LACTBL1: variants seen among roughly 807,000 people sequenced by gnomAD.
The protein encoded by LACTBL1 is beta-lactamase-like protein 1.
In LACTBL1, 29 loss-of-function variants were observed where a neutral mutation model predicts 39.6. That is an observed-to-expected ratio of 0.73 (90% CI 0.55 to 1.00). The LOEUF is 1.00. LACTBL1 is among the 50% of genes least tolerant of loss of function. LACTBL1 has a pLI of 0.00. For missense variants in LACTBL1, 711 were observed against 748.5 expected (o/e 0.95, Z 0.59); for synonymous variants, 361 against 360.7 (o/e 1.00, Z -0.01).
intron 4 of LACTBL1, 135 bp from the exon 7 acceptor site, chr1:22,955,561 G>T: frequency 1.6e-6 from 1 of 633,796 alleles, no homozygotes; most frequent in Non-Finnish European, 2.8e-6. Flanking sequence ...AAGAAAATCA[G>T]CCTAGCGTGG....
At chr1:22,959,042 A>G in intron 3 of LACTBL1, 122 bp from the exon 6 acceptor site, 1 of 639,366 alleles carries the variant, frequency 1.6e-6, no homozygotes, top group South Asian at 2.0e-5. Flanking sequence ...GCTTAAGTCA[A>G]CATCTCCAAC....
chr1:22,961,513 G>GCCA (rs1485193568), intron 2 of LACTBL1, among the ~76,000 whole-genome samples: 2 of 152,070 alleles, frequency 1.3e-5, no homozygotes, highest in Non-Finnish European at 2.9e-5. Flanking sequence ...ACAGTCATAT[G>GCCA]CCACCACGTG....
At chr1:22,969,225 G>C (rs1415764493), upstream of LACTBL1, among the ~76,000 whole-genome samples, 1 of 152,178 alleles carries the variant, frequency 6.6e-6, no homozygotes, top group East Asian at 1.9e-4. Context: ...GTCAGAAATA[G>C]AGGTTTTTGT....
intron 1 of LACTBL1, among the ~76,000 whole-genome samples, chr1:22,963,967 C>T (rs1640852437): frequency 6.6e-6 from 1 of 152,166 alleles, no homozygotes; most frequent in South Asian, 2.1e-4. Context: ...GTTGCCCAGG[C>T]TGGAGTACAA....
At chr1:22,960,084 G>T (rs762072024) in exon 3 of LACTBL1, 2 of 1,550,600 alleles carry the variant, frequency 1.3e-6, no homozygotes, top group South Asian at 2.4e-5. Flanking sequence ...ATTGCCTGGC[G>T]CAGGATCTGG....
chr1:22,972,145 TG>T, the LACTBL1 span, among the ~76,000 whole-genome samples: 7 of 6,248 alleles, frequency 1.1e-3, no homozygotes, highest in African/African-American at 4.1e-3. Context: ...CTAGAGATGA[TG>T]ATGATGATGA....
chr1:22,958,433 C>T (rs1640783801), intron 4 of LACTBL1, among the ~76,000 whole-genome samples: 1 of 152,232 alleles, frequency 6.6e-6, no homozygotes, highest in Admixed American at 6.5e-5. Flanking sequence ...TCATTTTGAC[C>T]TGCACTGATG....
At chr1:22,970,584 G>T in the LACTBL1 span, among the ~76,000 whole-genome samples, 1 of 152,102 alleles carries the variant, frequency 6.6e-6, no homozygotes, top group Non-Finnish European at 1.5e-5. Flanking sequence ...GAGGCAGGAG[G>T]ATCACTTGAG....
intron 5 of LACTBL1, 143 bp from the exon 8 acceptor site, chr1:22,954,167 CTT>C: frequency 7.1e-7 from 1 of 1,404,480 alleles, no homozygotes; most frequent in Non-Finnish European, 9.4e-7. Context: ...CTGGAAGAGA[CTT>C]TGGAGCACTG....
chr1:22,967,733 T>C (rs1273086813), upstream of LACTBL1, among the ~76,000 whole-genome samples: 1 of 152,166 alleles, frequency 6.6e-6, no homozygotes, highest in Non-Finnish European at 1.5e-5. Flanking sequence ...ATCTCAACAT[T>C]TTATCATATT....
upstream of LACTBL1, among the ~76,000 whole-genome samples, chr1:22,966,297 C>A (rs548962603): frequency 6.6e-6 from 1 of 152,322 alleles, no homozygotes; most frequent in African/African-American, 2.4e-5. Flanking sequence ...GGACTCTTTC[C>A]TGCCTTTTGG....
upstream of LACTBL1, among the ~76,000 whole-genome samples, chr1:22,970,080 G>C (rs957364690): frequency 6.6e-6 from 1 of 152,174 alleles, no homozygotes; most frequent in Non-Finnish European, 1.5e-5. Context: ...TTGGCTACTT[G>C]TAAAGAGTTT....
chr1:22,972,307 G>T, the LACTBL1 span: 1 of 985,222 alleles, frequency 1.0e-6, no homozygotes, highest in Non-Finnish European at 1.2e-6. Flanking sequence ...TGCCTCACCT[G>T]GGTCTTCATT....
chr1:22,963,256 A>G, intron 1 of LACTBL1, 40 bp from the exon 4 acceptor site: 1 of 1,162,026 alleles, frequency 8.6e-7, no homozygotes, highest in South Asian at 2.4e-5. Flanking sequence ...GACAGAGATC[A>G]GGATAGGAAT....
At chr1:22,953,387 A>C in exon 6 of LACTBL1, 1 of 1,228,164 alleles carries the variant, frequency 8.1e-7, no homozygotes, top group Non-Finnish European at 1.0e-6. Flanking sequence ...GCGAAGGTGA[A>C]GTAGCCGGCG....
exon 6 of LACTBL1, chr1:22,953,375 T>C: frequency 8.1e-7 from 1 of 1,228,438 alleles, no homozygotes; most frequent in Non-Finnish European, 1.0e-6. Context: ...AAGGTCAGGT[T>C]GGCGAAGGTG....
upstream of LACTBL1, among the ~76,000 whole-genome samples, chr1:22,966,716 A>G (rs1408800347): frequency 6.6e-6 from 1 of 151,986 alleles, no homozygotes; most frequent in Non-Finnish European, 1.5e-5. Flanking sequence ...GAGCATTTCC[A>G]CCTGGAAGTC....
intron 3 of LACTBL1, 103 bp downstream of exon 5, chr1:22,959,839 T>G: frequency 7.4e-7 from 1 of 1,347,256 alleles, no homozygotes; most frequent in South Asian, 1.4e-5. Context: ...CCCTGGCAGA[T>G]TAGACCCCAG....
At chr1:22,971,621 A>G in the LACTBL1 span, among the ~76,000 whole-genome samples, 1 of 152,152 alleles carries the variant, frequency 6.6e-6, no homozygotes, top group Non-Finnish European at 1.5e-5. Context: ...TTCATTCAGA[A>G]AACAATCCCC....
Sources: gnomAD v4.1 joint callset for allele counts (sites outside exome capture counted in the v4.1 genomes callset) on GRCh38, gnomAD v4.1.1 for gene constraint, MANE v1.5 for transcripts, NCBI Gene and HGNC (gene_info 2026-07-23, HGNC 2026-07-21) for gene names.